The following LRP1B variants were observed in gnomAD, a reference collection of about 807,000 sequenced individuals.
LRP1B encodes low-density lipoprotein receptor-related protein 1B.
In LRP1B, 217 loss-of-function variants were observed where a neutral mutation model predicts 556.6. The observed-to-expected ratio is 0.39, with a 90% CI of 0.35 to 0.44. The LOEUF (loss-of-function observed/expected upper bound fraction) is 0.44. Ranked by LOEUF, LRP1B falls within the 20% of genes least tolerant of loss-of-function variation. The probability of loss-of-function intolerance (pLI) is 1.00; values close to 1 mark genes in which losing one functional copy is unlikely to be tolerated. For missense variants in LRP1B, 5,053 were observed against 5,620.8 expected, an observed-to-expected ratio of 0.90 and a Z score of 3.23; for synonymous variants, 2,047 against 1,865.8, an observed-to-expected ratio of 1.10 and a Z score of -2.50.
At chr2:141,351,356 A>T (rs1026650455) in intron 3 of LRP1B, among the ~76,000 whole-genome samples, 1 of 151,870 alleles carries the variant, frequency 6.6e-6, no homozygotes, top group Non-Finnish European at 1.5e-5. Context: ...AACACCTTCT[A>T]TTGTACCTTC....
intron 3 of LRP1B, among the ~76,000 whole-genome samples, chr2:141,462,596 C>T (rs961604669): frequency 6.6e-6 from 1 of 151,998 alleles, no homozygotes; most frequent in Non-Finnish European, 1.5e-5. Flanking sequence ...ACAACCATGG[C>T]ACATGTATAC....
intron 1 of LRP1B, among the ~76,000 whole-genome samples, chr2:141,830,553 C>G (rs891640836): frequency 6.6e-6 from 1 of 151,708 alleles, no homozygotes; most frequent in South Asian, 2.1e-4. Context: ...ATTTCAGCAA[C>G]TTGCAGTGAC....
At chr2:142,039,520 A>G (rs942379706) in intron 1 of LRP1B, among the ~76,000 whole-genome samples, 2 of 151,488 alleles carry the variant, frequency 1.3e-5, no homozygotes, top group Admixed American at 6.6e-5. Flanking sequence ...GTCACTTTAT[A>G]ATGCTTAAAT....
rs1688903061 is a variant in LRP1B at position 140,495,855 on chromosome 2, G to A, written c.8851-107C>T. ...AGAAAAGCATTTGAAAATAGATAAA[G>A]GCAAGTCTTTCTGTCTCCCAGCATT... On this transcript the variant is annotated intron_variant, in intron 55 of 90. Transcript: ENST00000389484. 1.2e-5 allele frequency: 10 copies of A among 853,928 alleles called. No individual in the cohort carries two copies. In the South Asian group the frequency reaches 1.9e-4, roughly 17 times the overall value. The allele number at this position is 853,928 out of a possible 1,614,324, so 52.9% of individuals were successfully genotyped here.
chr2:141,860,035 C>A (rs998703732), intron 1 of LRP1B, among the ~76,000 whole-genome samples: 1 of 152,158 alleles, frequency 6.6e-6, no homozygotes, highest in Non-Finnish European at 1.5e-5. Context: ...TATTTTCACA[C>A]ATCGTACACC....
intron 37 of LRP1B, among the ~76,000 whole-genome samples, chr2:140,713,701 C>G (rs1409449585): frequency 1.3e-5 from 2 of 152,048 alleles, no homozygotes; most frequent in Non-Finnish European, 2.9e-5. Context: ...CCAGACACAT[C>G]ACCTACTCTT....
At chr2:140,560,392 T>C (rs1455009573) in intron 43 of LRP1B, among the ~76,000 whole-genome samples, 1 of 152,124 alleles carries the variant, frequency 6.6e-6, no homozygotes, top group East Asian at 1.9e-4. Flanking sequence ...TCAATGTCAG[T>C]TTTCATAACT....
chr2:140,447,282 CA>C (rs1031207840), intron 63 of LRP1B, among the ~76,000 whole-genome samples: 13 of 151,922 alleles, frequency 8.6e-5, no homozygotes, highest in African/African-American at 2.9e-4. Context: ...ATGTAGTGAC[CA>C]TACGGTCCAG....
At chr2:140,404,221 C>T (rs1297938369) in intron 66 of LRP1B, among the ~76,000 whole-genome samples, 2 of 132,426 alleles carry the variant, frequency 1.5e-5, no homozygotes, top group East Asian at 2.2e-4. Flanking sequence ...GTCTCCCAGG[C>T]TGGAGTGCAG....
chr2:141,414,793 T>C (rs535265990), intron 3 of LRP1B, among the ~76,000 whole-genome samples: 20 of 152,356 alleles, frequency 1.3e-4, no homozygotes, highest in Admixed American at 2.6e-4. Flanking sequence ...TTCTTGTCGT[T>C]GTTGTAGTTT....
chr2:141,283,200 T>C (rs1336849444), intron 3 of LRP1B, among the ~76,000 whole-genome samples: 2 of 151,896 alleles, frequency 1.3e-5, no homozygotes, highest in Non-Finnish European at 2.9e-5. Context: ...AGATACTGGG[T>C]GAAGTGCTAA....
chr2:141,029,209 A>G (rs1698299047), intron 11 of LRP1B, among the ~76,000 whole-genome samples: 1 of 152,122 alleles, frequency 6.6e-6, no homozygotes, highest in African/African-American at 2.4e-5. Flanking sequence ...AACAACTTAA[A>G]TAGCCTTTTC....
At chr2:141,395,910 G>T (rs545599109) in intron 3 of LRP1B, among the ~76,000 whole-genome samples, 6 of 152,278 alleles carry the variant, frequency 3.9e-5, no homozygotes, top group African/African-American at 1.2e-4. Flanking sequence ...TTAGTTGCTA[G>T]ATAAAGTTGT....
chr2:140,654,189 CAT>C (rs939733021), intron 41 of LRP1B, among the ~76,000 whole-genome samples: 1 of 151,786 alleles, frequency 6.6e-6, no homozygotes, highest in Non-Finnish European at 1.5e-5. Context: ...AAAAATGAAA[CAT>C]GAGTGTTTAA....
At chr2:140,769,488 T>C (rs2104935644) in intron 34 of LRP1B, 144 bp from the exon 35 acceptor site, 1 of 766,096 alleles carries the variant, frequency 1.3e-6, no homozygotes, top group Non-Finnish European at 1.9e-6. Context: ...AATTATTGTG[T>C]ACTACACTTC....
At chr2:141,050,755 T>C (rs754063312) in intron 10 of LRP1B, among the ~76,000 whole-genome samples, 1 of 152,022 alleles carries the variant, frequency 6.6e-6, no homozygotes, top group Non-Finnish European at 1.5e-5. Context: ...CCAACAGCAA[T>C]TGCAACAAAA....
rs374589999 is a variant in LRP1B at position 141,689,824 on chromosome 2, T to A, written c.205+120455A>T. Among the ~76,000 whole-genome samples, 6 of 151,964 alleles carry A rather than the reference T, an allele frequency of 3.9e-5. 1 individual carries two copies. The East Asian group carries it at 7.8e-4, about 20-fold the overall frequency. On this transcript the variant is annotated intron_variant, in intron 2 of 90. Coordinates refer to ENST00000389484, the MANE Select transcript of LRP1B (RefSeq NM_018557.3). The stretch of plus-strand genomic sequence containing the variant: ...ATAGAATAAACACCAGTCAGCTGAC[T>A]TATTTTTAAACAAGCTATGAAAATT...
At chr2:140,548,456 C>T (rs1294983504) in intron 43 of LRP1B, among the ~76,000 whole-genome samples, 1 of 152,152 alleles carries the variant, frequency 6.6e-6, no homozygotes, top group Non-Finnish European at 1.5e-5. Context: ...CTTCTTATTT[C>T]ATCTCCATAT....
intron 41 of LRP1B, among the ~76,000 whole-genome samples, chr2:140,646,964 A>G (rs1421702765): frequency 1.3e-5 from 2 of 151,986 alleles, no homozygotes; most frequent in Admixed American, 6.6e-5. Context: ...TACTTTCTCA[A>G]TGTTTCTTGA....
Sources: gnomAD v4.1 joint callset for allele counts (sites outside exome capture counted in the v4.1 genomes callset) on GRCh38, gnomAD v4.1.1 for gene constraint, MANE v1.5 for transcripts, NCBI Gene and HGNC (gene_info 2026-07-23, HGNC 2026-07-21) for gene names.